The following SNTG1 variants were observed in gnomAD, a reference collection of about 807,000 sequenced individuals.
The protein encoded by SNTG1 is syntrophin gamma 1, also known as gamma-1-syntrophin.
In SNTG1, 39 loss-of-function variants were observed where a neutral mutation model predicts 74.7. The ratio of observed to expected loss-of-function variants is 0.52; its 90% confidence interval spans 0.40 to 0.68. The LOEUF (loss-of-function observed/expected upper bound fraction) is 0.68. SNTG1 is among the 30% of genes least tolerant of loss of function. The pLI is 0.00. For missense variants in SNTG1, 685 were observed against 609.5 expected (o/e 1.12, Z -1.30); for synonymous variants, 254 against 217.1 (o/e 1.17, Z -1.49).
intron 1 of SNTG1, among the ~76,000 whole-genome samples, chr8:50,138,128 C>T (rs1473733805): frequency 6.6e-6 from 1 of 151,986 alleles, no homozygotes; most frequent in Non-Finnish European, 1.5e-5. Context: ...TCATAATAAC[C>T]TTAAAAATGA....
At chr8:50,338,133 CA>C (rs559885856) in intron 2 of SNTG1, among the ~76,000 whole-genome samples, 1 of 148,740 alleles carries the variant, frequency 6.7e-6, no homozygotes, top group African/African-American at 2.5e-5. Context: ...GACTCTGTCT[CA>C]AAAAAAATAA....
intron 8 of SNTG1, among the ~76,000 whole-genome samples, chr8:50,458,706 T>C (rs2131668080): frequency 6.6e-6 from 1 of 152,292 alleles, no homozygotes; most frequent in Non-Finnish European, 1.5e-5. Flanking sequence ...ATTTTCCTAA[T>C]GACTAAAAGT....
chr8:50,574,410 G>A (rs2094565552), intron 12 of SNTG1, among the ~76,000 whole-genome samples: 1 of 152,046 alleles, frequency 6.6e-6, no homozygotes, highest in Admixed American at 6.6e-5. Context: ...TTTTAAACGT[G>A]TGCCTTAATT....
chr8:50,609,411 C>T (rs890828745), intron 13 of SNTG1, among the ~76,000 whole-genome samples: 2 of 152,106 alleles, frequency 1.3e-5, no homozygotes, highest in African/African-American at 2.4e-5. Flanking sequence ...TTAGCTGTTA[C>T]ACATATTGAT....
At chr8:50,652,867 C>A (rs1386105985) in intron 13 of SNTG1, among the ~76,000 whole-genome samples, 1 of 151,756 alleles carries the variant, frequency 6.6e-6, no homozygotes, top group African/African-American at 2.4e-5. Context: ...ATAAAAAAAT[C>A]TAAACATTAT....
At chr8:50,578,614 G>A (rs916178027) in intron 12 of SNTG1, among the ~76,000 whole-genome samples, 2 of 152,126 alleles carry the variant, frequency 1.3e-5, no homozygotes, top group Non-Finnish European at 2.9e-5. Flanking sequence ...GGAGGTAATC[G>A]AATAATGGGG....
intron 2 of SNTG1, among the ~76,000 whole-genome samples, chr8:50,357,369 C>T (rs11998724): frequency 0.07 from 10,697 of 152,258 alleles, 866 homozygotes; most frequent in African/African-American, 0.18. Flanking sequence ...AACAGGTTTA[C>T]ACATTGTTTC....
chr8:50,577,529 GT>G (rs751010704), intron 12 of SNTG1, among the ~76,000 whole-genome samples: 2 of 148,622 alleles, frequency 1.3e-5, no homozygotes, highest in Non-Finnish European at 3.0e-5. Context: ...CGTAAAATGA[GT>G]TAGGAAATGC....
rs184199719 is a variant in SNTG1 at position 50,528,710 on chromosome 8, G to A, written c.467-1467G>A. Among the ~76,000 whole-genome samples, 365 of 151,308 alleles carry A rather than the reference G, an allele frequency of 2.4e-3. 2 individuals are homozygous for A. The highest frequency in any genetic ancestry group is 3.9e-3 in the Admixed American group (59 of 15,192). On this transcript the variant is annotated intron_variant, in intron 9 of 18. Transcript: ENST00000642720. ...TTTCATGAAGTTATTTATCATGACCGCTCATCATTCCTTTTAACATCCGTT... is the reference window on the plus strand; with the variant it reads ...TTTCATGAAGTTATTTATCATGACCACTCATCATTCCTTTTAACATCCGTT...
At chr8:50,050,219 A>T (rs1399981043) in intron 1 of SNTG1, among the ~76,000 whole-genome samples, 1 of 151,984 alleles carries the variant, frequency 6.6e-6, no homozygotes, top group Non-Finnish European at 1.5e-5. Context: ...TAATTATGTA[A>T]AAAAGAGAGA....
intron 1 of SNTG1, among the ~76,000 whole-genome samples, chr8:50,118,148 TTAA>T (rs2080886113): frequency 6.6e-6 from 1 of 152,180 alleles, no homozygotes; most frequent in Non-Finnish European, 1.5e-5. Flanking sequence ...GATTTGTTTA[TTAA>T]CCTTAAATTT....
chr8:49,913,425 G>A (rs76832732), intron 1 of SNTG1, among the ~76,000 whole-genome samples: 1,938 of 152,290 alleles, frequency 0.013, 44 homozygotes, highest in African/African-American at 0.042. Context: ...ATTGGAGGCC[G>A]TTACAGTGGC....
chr8:50,241,659 G>A (rs1411553245), intron 2 of SNTG1, among the ~76,000 whole-genome samples: 1 of 152,194 alleles, frequency 6.6e-6, no homozygotes, highest in African/African-American at 2.4e-5. Flanking sequence ...GCGAAGAGAA[G>A]AGTAAGGTGA....
chr8:50,709,432 T>G (rs2095455402), intron 17 of SNTG1, among the ~76,000 whole-genome samples: 1 of 152,092 alleles, frequency 6.6e-6, no homozygotes, highest in South Asian at 2.1e-4. Flanking sequence ...TGGTGAAAAT[T>G]TAAAGTTTAG....
Position 50,114,083 on chromosome 8 carries a change from G to A in SNTG1, c.-102-58478G>A, listed in dbSNP as rs76950016. ...ATCTAGGAATAGATTGAGAATATTC[G>A]ACATAATAACTAACAATTCACCCAC... On this transcript the variant is annotated intron_variant, in intron 1 of 18. Coordinates refer to ENST00000642720, the MANE Select transcript of SNTG1 (RefSeq NM_018967.5). 5.3e-3 allele frequency among the ~76,000 whole-genome samples: 806 copies of A among 151,982 alleles called. 11 individuals carry two copies. Among genetic ancestry groups the A allele is most frequent in the African/African-American group, 0.018 (761 of 41,472 alleles).
chr8:50,304,869 G>A (rs926259167), intron 2 of SNTG1, among the ~76,000 whole-genome samples: 7 of 151,928 alleles, frequency 4.6e-5, no homozygotes, highest in East Asian at 1.9e-4. Context: ...TAGATTCCTC[G>A]AGTTGCTCAC....
At chr8:50,378,461 T>G (rs1408847743) in intron 2 of SNTG1, among the ~76,000 whole-genome samples, 1 of 152,190 alleles carries the variant, frequency 6.6e-6, no homozygotes. Flanking sequence ...GTGTTACAGC[T>G]GTTTTAGCCC....
intron 2 of SNTG1, among the ~76,000 whole-genome samples, chr8:50,180,069 G>A (rs1205000635): frequency 6.6e-6 from 1 of 152,062 alleles, no homozygotes; most frequent in Non-Finnish European, 1.5e-5. Context: ...ATAAATTATG[G>A]TATATGTACA....
At chr8:50,553,774 CT>C (rs1298075016) in intron 12 of SNTG1, among the ~76,000 whole-genome samples, 2 of 152,096 alleles carry the variant, frequency 1.3e-5, no homozygotes, top group Non-Finnish European at 2.9e-5. Context: ...CTAAATAATT[CT>C]TTCCCCCGTT....
Sources: allele counts gnomAD v4.1 joint callset (sites outside exome capture counted in the v4.1 genomes callset), GRCh38; gene constraint gnomAD v4.1.1; transcripts MANE v1.5; gene names NCBI Gene and HGNC (gene_info 2026-07-23, HGNC 2026-07-21).